CDC42BPA: variants seen among roughly 807,000 people sequenced by gnomAD.
The protein encoded by CDC42BPA is serine/threonine-protein kinase MRCK alpha.
A neutral mutation model predicts 223.5 loss-of-function variants in CDC42BPA; 80 were observed. That is an observed-to-expected ratio of 0.36 (90% confidence interval 0.30 to 0.43). The LOEUF is 0.43. CDC42BPA is among the 20% of genes least tolerant of loss of function. The probability of loss-of-function intolerance (pLI) is 1.00; values close to 1 mark genes in which losing one functional copy is unlikely to be tolerated. For synonymous variants in CDC42BPA, 694 were observed against 718.6 expected (o/e 0.97, Z 0.55); for missense variants, 1,743 against 2,099.9 (o/e 0.83, Z 3.32).
intron 34 of CDC42BPA, among the ~76,000 whole-genome samples, chr1:227,009,223 G>GT (rs1208345893): frequency 6.6e-6 from 1 of 152,162 alleles, no homozygotes; most frequent in Non-Finnish European, 1.5e-5. Context: ...TTAAAAAACA[G>GT]TTTATCATTC....
chr1:227,232,907 C>T (rs1217815588), intron 2 of CDC42BPA, among the ~76,000 whole-genome samples: 2 of 152,214 alleles, frequency 1.3e-5, no homozygotes, highest in African/African-American at 4.8e-5. Context: ...ATCTCAAACT[C>T]CTTGCTGGGA....
At chr1:227,162,233 T>C (rs1054725889) in intron 5 of CDC42BPA, among the ~76,000 whole-genome samples, 1 of 151,732 alleles carries the variant, frequency 6.6e-6, no homozygotes, top group Admixed American at 6.6e-5. Flanking sequence ...AAGCATATTA[T>C]GTGAATATAT....
chr1:227,010,592 CTT>C lies in CDC42BPA; in HGVS notation c.4858-5483_4858-5482del, dbSNP rs541301193. Among the ~76,000 whole-genome samples the C allele has an allele frequency of 5.1e-4, 78 of 152,210 alleles. No individual in the cohort carries two copies. In the East Asian group the frequency reaches 8.1e-3, roughly 16 times the overall value. On this transcript the variant is annotated intron_variant, in intron 34 of 36. Transcript: ENST00000366766. ...GAGCTATTTCTTACAATGGGAAAAACTTTTATTAAACATAGATAAATCTTTAA... is the reference window on the plus strand; with the variant it reads ...GAGCTATTTCTTACAATGGGAAAAACTTATTAAACATAGATAAATCTTTAA...
intron 1 of CDC42BPA, among the ~76,000 whole-genome samples, chr1:227,278,781 A>G (rs1687542980): frequency 1.3e-5 from 2 of 152,194 alleles, no homozygotes; most frequent in Admixed American, 6.5e-5. Context: ...GAGGAGCATG[A>G]CAGGCAAACA....
intron 1 of CDC42BPA, among the ~76,000 whole-genome samples, chr1:227,279,270 T>G (rs1687633972): frequency 6.6e-6 from 1 of 152,158 alleles, no homozygotes; most frequent in Non-Finnish European, 1.5e-5. Flanking sequence ...AATTTAAAAT[T>G]CAAACTACTA....
chr1:227,289,550 C>T (rs1437794865), intron 1 of CDC42BPA, among the ~76,000 whole-genome samples: 1 of 152,132 alleles, frequency 6.6e-6, no homozygotes, highest in Non-Finnish European at 1.5e-5. Context: ...ATCTTATTTA[C>T]ATGTCTATTT....
chr1:227,168,494 G>GTT (rs1665454876), intron 5 of CDC42BPA, among the ~76,000 whole-genome samples: 1 of 21,816 alleles, frequency 4.6e-5, no homozygotes, highest in Non-Finnish European at 1.1e-4. Flanking sequence ...TATCTTCCCT[G>GTT]GTGTTTTTTT....
At chr1:227,217,311 G>A (rs949796479) in intron 2 of CDC42BPA, among the ~76,000 whole-genome samples, 3 of 151,920 alleles carry the variant, frequency 2.0e-5, no homozygotes, top group Non-Finnish European at 2.9e-5. Context: ...GCTGGGTGTG[G>A]TGGCGGGCGC....
chr1:227,273,535 C>CAAA (rs71937451), intron 1 of CDC42BPA, among the ~76,000 whole-genome samples: 1 of 132,212 alleles, frequency 7.6e-6, no homozygotes, highest in African/African-American at 2.8e-5. Flanking sequence ...AACTCTGTCT[C>CAAA]AAAAAAAAAA....
intron 5 of CDC42BPA, among the ~76,000 whole-genome samples, chr1:227,190,960 C>G (rs965675618): frequency 6.6e-6 from 1 of 151,934 alleles, no homozygotes; most frequent in African/African-American, 2.4e-5. Context: ...GATGTTTAAC[C>G]TAAAGAAGAC....
At chr1:227,140,343 A>G (rs1659451359) in intron 9 of CDC42BPA, among the ~76,000 whole-genome samples, 1 of 152,114 alleles carries the variant, frequency 6.6e-6, no homozygotes, top group Admixed American at 6.6e-5. Context: ...AAAGCAGGAA[A>G]GGGAGAAATA....
intron 2 of CDC42BPA, chr1:227,235,498 T>C (rs1572540916): frequency 6.6e-6 from 1 of 152,192 alleles, no homozygotes; most frequent in East Asian, 1.9e-4. Flanking sequence ...TCAGATATAA[T>C]TCAAGAGTTT....
chr1:227,314,688 A>T (rs1220265016), intron 1 of CDC42BPA, among the ~76,000 whole-genome samples: 1 of 151,694 alleles, frequency 6.6e-6, no homozygotes, highest in Non-Finnish European at 1.5e-5. Flanking sequence ...ATTAATATAA[A>T]TAACGAACAC....
intron 10 of CDC42BPA, among the ~76,000 whole-genome samples, chr1:227,136,675 A>T (rs1290910994): frequency 6.6e-6 from 1 of 152,226 alleles, no homozygotes; most frequent in Admixed American, 6.5e-5. Flanking sequence ...TACATTCAAG[A>T]GCTTAAGATT....
chr1:227,005,159 T>C, intron 34 of CDC42BPA, 48 bp from the exon 35 acceptor site: 2 of 1,275,334 alleles, frequency 1.6e-6, no homozygotes, highest in East Asian at 2.3e-5. Context: ...AAGAAACTGA[T>C]TTTTCTGCAG....
At chr1:227,086,399 A>G (rs1451595271) in intron 16 of CDC42BPA, among the ~76,000 whole-genome samples, 1 of 152,102 alleles carries the variant, frequency 6.6e-6, no homozygotes, top group African/African-American at 2.4e-5. Context: ...AATTTTTGGA[A>G]CTATTTTCTA....
At chr1:227,114,319 T>C (rs941421817) in intron 12 of CDC42BPA, among the ~76,000 whole-genome samples, 2 of 151,920 alleles carry the variant, frequency 1.3e-5, no homozygotes, top group Non-Finnish European at 2.9e-5. Flanking sequence ...TAAAATATTT[T>C]CAAAGATATG....
At chr1:227,074,155 CA>C in intron 18 of CDC42BPA, 103 bp downstream of exon 18, 2 of 1,338,320 alleles carry the variant, frequency 1.5e-6, no homozygotes, top group Non-Finnish European at 2.1e-6. Context: ...TTAGTAGGCT[CA>C]AAGTCTAAAC....
intron 2 of CDC42BPA, among the ~76,000 whole-genome samples, chr1:227,242,801 A>G (rs1680241806): frequency 1.3e-5 from 2 of 152,188 alleles, no homozygotes; most frequent in African/African-American, 4.8e-5. Context: ...ACACCATTTG[A>G]CCCAACAATC....
Sources: allele counts gnomAD v4.1 joint callset (sites outside exome capture counted in the v4.1 genomes callset), GRCh38; gene constraint gnomAD v4.1.1; transcripts MANE v1.5; gene names NCBI Gene and HGNC (gene_info 2026-07-23, HGNC 2026-07-21).